The following VCF2 variants were observed in gnomAD, a reference collection of about 807,000 sequenced individuals.
VCF2 encodes the protein VCP nuclear cofactor family member 2.
At chrX:55,153,023 CTCTTA>C in the VCF2 span, among the ~76,000 whole-genome samples, 1 of 112,294 alleles carries the variant, frequency 8.9e-6, no homozygotes, top group Admixed American at 9.4e-5. Context: ...AACCTCTTGT[CTCTTA>C]TCTACCTATG....
chrX:55,152,134 G>A, the VCF2 span, among the ~76,000 whole-genome samples: 9 of 109,537 alleles, frequency 8.2e-5, no homozygotes, highest in African/African-American at 3.0e-4. Context: ...CTCGTGATCC[G>A]CCCGCCTCGG....
At chrX:55,149,284 A>G in the VCF2 span, among the ~76,000 whole-genome samples, 1 of 110,692 alleles carries the variant, frequency 9.0e-6, no homozygotes. Context: ...TTAGAAAAAA[A>G]CTGAGGTTAA....
At chrX:55,145,223 G>A in the VCF2 span, 2 of 598,476 alleles carry the variant, frequency 3.3e-6, no homozygotes, top group African/African-American at 5.0e-5. Context: ...CAGTTTAGTA[G>A]CTTACACTGT....
At chrX:55,160,878 G>A in the VCF2 span, 7 of 1,154,571 alleles carry the variant, frequency 6.1e-6, no homozygotes, top group South Asian at 1.3e-4. Context: ...CAAAGAACCA[G>A]CATGTTCTTT....
At chrX:55,159,050 C>T in the VCF2 span, 2 of 819,059 alleles carry the variant, frequency 2.4e-6, no homozygotes, top group Non-Finnish European at 3.4e-6. Context: ...TAATACATTT[C>T]TTTTCATTAT....
At chrX:55,155,941 C>CTTTTTTTTTTTTTT in the VCF2 span, among the ~76,000 whole-genome samples, 2 of 50,527 alleles carry the variant, frequency 4.0e-5, no homozygotes, top group Non-Finnish European at 4.5e-5. Flanking sequence ...TCTTCTTCTT[C>CTTTTTTTTTTTTTT]TTTTTTTTTT....
chrX:55,158,521 T>C, the VCF2 span, among the ~76,000 whole-genome samples: 3 of 111,309 alleles, frequency 2.7e-5, no homozygotes, highest in South Asian at 1.1e-3. Flanking sequence ...ATTGTATATT[T>C]CAAAATAGAA....
At chrX:55,160,766 C>G in the VCF2 span, 1 of 1,084,630 alleles carries the variant, frequency 9.2e-7, no homozygotes, top group Non-Finnish European at 1.2e-6. Context: ...CGAGGAAATG[C>G]CAATTTGAAA....
At chrX:55,157,307 C>T in the VCF2 span, among the ~76,000 whole-genome samples, 9 of 111,894 alleles carry the variant, frequency 8.0e-5, no homozygotes, top group Admixed American at 4.7e-4. Flanking sequence ...CCGAGGCGGG[C>T]GGATCACTTG....
chrX:55,147,375 C>A, the VCF2 span, among the ~76,000 whole-genome samples: 2 of 110,687 alleles, frequency 1.8e-5, no homozygotes, highest in Non-Finnish European at 3.8e-5. Context: ...AGAACTTGTG[C>A]AGGAAAAGAG....
chrX:55,145,746 T>C, the VCF2 span: 5 of 777,927 alleles, frequency 6.4e-6, no homozygotes, highest in Non-Finnish European at 7.6e-6. Flanking sequence ...ATGTTTAACA[T>C]AGAGTTTCTA....
the VCF2 span, chrX:55,146,080 T>C: frequency 6.6e-6 from 8 of 1,206,659 alleles, no homozygotes; most frequent in African/African-American, 1.4e-4. Context: ...GAAGTCCTAA[T>C]TCATCATGTT....
chrX:55,147,759 G>A, the VCF2 span, among the ~76,000 whole-genome samples: 16 of 103,947 alleles, frequency 1.5e-4, no homozygotes, highest in South Asian at 6.9e-3. Context: ...ACACTGTAGT[G>A]CAACACTAGG....
chrX:55,148,084 T>A, the VCF2 span, among the ~76,000 whole-genome samples: 1 of 110,817 alleles, frequency 9.0e-6, no homozygotes, highest in Non-Finnish European at 1.9e-5. Context: ...CTTCAGGTTC[T>A]TAGAAAAACC....
chrX:55,160,943 A>G, the VCF2 span: 1 of 1,164,048 alleles, frequency 8.6e-7, no homozygotes. Flanking sequence ...GCACGAGGCA[A>G]GCAGGGCCGC....
At chrX:55,157,941 T>A in the VCF2 span, among the ~76,000 whole-genome samples, 1 of 112,811 alleles carries the variant, frequency 8.9e-6, no homozygotes, top group African/African-American at 3.2e-5. Flanking sequence ...GTAAGTCTTA[T>A]ACCTATGTAC....
chrX:55,160,577 G>C, the VCF2 span, among the ~76,000 whole-genome samples: 2 of 111,664 alleles, frequency 1.8e-5, no homozygotes, highest in Admixed American at 1.9e-4. Flanking sequence ...GGATAAGATT[G>C]GTTTCCTTTA....
At chrX:55,147,976 C>A in the VCF2 span, among the ~76,000 whole-genome samples, 2 of 110,699 alleles carry the variant, frequency 1.8e-5, no homozygotes, top group Admixed American at 9.6e-5. Flanking sequence ...TGTTTAAAAA[C>A]AAAGAAGTAT....
the VCF2 span, chrX:55,160,874 A>G: frequency 8.6e-7 from 1 of 1,156,643 alleles, no homozygotes; most frequent in African/African-American, 1.8e-5. Context: ...CAACCAAAGA[A>G]CCAGCATGTT....
Sources: gnomAD v4.1 joint callset for allele counts (sites outside exome capture counted in the v4.1 genomes callset) on GRCh38, gnomAD v4.1.1 for gene constraint, MANE v1.5 for transcripts, NCBI Gene and HGNC (gene_info 2026-07-23, HGNC 2026-07-21) for gene names.